MRPL35: variants seen among roughly 807,000 people sequenced by gnomAD.
MRPL35 encodes the protein mitochondrial ribosomal protein L35, also known as large ribosomal subunit protein bL35m.
In MRPL35, 18 loss-of-function variants were observed where a neutral mutation model predicts 21.6. The ratio of observed to expected loss-of-function variants is 0.83; its 90% CI spans 0.58 to 1.24. The LOEUF (loss-of-function observed/expected upper bound fraction) is 1.24, where lower values mean the gene tolerates loss of function less well. MRPL35 is among the 50% of genes most tolerant of loss of function. The probability of loss-of-function intolerance (pLI) is 0.00; values close to 1 mark genes in which losing one functional copy is unlikely to be tolerated. For synonymous variants in MRPL35, 87 were observed against 86.9 expected, an observed-to-expected ratio of 1.00 and a Z score of -0.01; for missense variants, 223 against 223.2, an observed-to-expected ratio of 1.00 and a Z score of 0.01.
In MRPL35 at chr2:86,211,607, A is replaced by G; in HGVS notation, c.*939A>G. The G allele has an allele frequency of 1.0e-6, 1 of 985,492 alleles. No homozygotes were observed. The highest frequency in any genetic ancestry group is 1.1e-4 in the East Asian group (1 of 8,820). 61.0% of individuals were successfully genotyped at this position (985,492 alleles called of 1,614,324 possible). A position where few individuals can be genotyped will look rare whatever the true frequency, so the allele number is the denominator to read the frequency against. On this transcript the variant is annotated 3_prime_UTR_variant, in exon 4 of 4. Transcript: ENST00000337109. ...AAATAGCCCTTCAGCATGCTCATTC[A>G]TGAAACAGAAGAGGCTGTACAAGTG...
In MRPL35 at chr2:86,206,313, G is replaced by A; in HGVS notation, c.233+18G>A. 1.3e-6 allele frequency: 2 copies of A among 1,570,996 alleles called. No homozygotes were observed. Among genetic ancestry groups the A allele is most frequent in the Non-Finnish European group, 1.7e-6 (2 of 1,163,096 alleles). ...CTTAATAGGTAGAGTATATTTCTTTGTGGGGTTTTTTTTGTTTTTTGTTTT... is the reference window on the plus strand; with the variant it reads ...CTTAATAGGTAGAGTATATTTCTTTATGGGGTTTTTTTTGTTTTTTGTTTT... On this transcript the variant is annotated intron_variant, in intron 2 of 3. Coordinates refer to ENST00000337109, the MANE Select transcript of MRPL35 (RefSeq NM_016622.4).
At chr2:86,210,164 T>TA (rs1272361099) in intron 3 of MRPL35, among the ~76,000 whole-genome samples, 2 of 152,256 alleles carry the variant, frequency 1.3e-5, no homozygotes, top group Non-Finnish European at 1.5e-5. Flanking sequence ...AGTTAGTGAT[T>TA]ATAATTCTGT....
chr2:86,212,705 T>C lies in MRPL35; in HGVS notation c.*2037T>C. ...CTCAGCATCCAAAGATGGACTGAAG[T>C]GGGATGGCTGACAGGCACATAACTT... On this transcript the variant is annotated 3_prime_UTR_variant, in exon 4 of 4. Coordinates refer to ENST00000337109, the MANE Select transcript of MRPL35 (RefSeq NM_016622.4). 1 of 1,213,386 alleles carries C rather than the reference T, an allele frequency of 8.2e-7. No homozygotes were observed. The highest frequency in any genetic ancestry group is 1.6e-5 in the African/African-American group (1 of 63,928). 75.2% of individuals were successfully genotyped at this position (1,213,386 alleles called of 1,614,324 possible). A position where few individuals can be genotyped will look rare whatever the true frequency, so the allele number is the denominator to read the frequency against.
chr2:86,206,246 A>C lies in MRPL35; in HGVS notation c.184A>C (p.Thr62Pro). ...TGTTTCCTCCACTCCCAGACTTACC[A>C]CATCTGAGAGAAACCTGACATGTGG... ...PVVSSTPRLTTSERNLTCGHT... is the reference protein window; with the variant it reads ...PVVSSTPRLTPSERNLTCGHT... Residue 62 changes from threonine to proline, a missense_variant, in exon 2 of 4, where the codon ACA becomes CCA. Coordinates refer to ENST00000337109, the MANE Select transcript of MRPL35 (RefSeq NM_016622.4). The C allele has an allele frequency of 6.2e-7, 1 of 1,613,696 alleles. No homozygotes were observed. The highest frequency in any genetic ancestry group is 8.5e-7 in the Non-Finnish European group (1 of 1,179,618).
In MRPL35 at chr2:86,210,878, T is replaced by C; in HGVS notation, c.*210T>C. 8.0e-7 allele frequency: 1 copy of C among 1,247,842 alleles called. No individual in the cohort carries two copies. The highest frequency in any genetic ancestry group is 1.0e-6 in the Non-Finnish European group (1 of 993,902). 77.3% of individuals were successfully genotyped at this position (1,247,842 alleles called of 1,614,324 possible). A position where few individuals can be genotyped will look rare whatever the true frequency, so the allele number is the denominator to read the frequency against. ...GAAACAGAAATTTAGAATGGTGCAT[T>C]ATTTTTAACAAATGGTATTGGCTTA... On this transcript the variant is annotated 3_prime_UTR_variant, in exon 4 of 4. Transcript: ENST00000337109.
At position 86,211,653 on chromosome 2, in the gene MRPL35, A is replaced by C; in HGVS notation, c.*985A>C. The C allele has an allele frequency of 2.0e-6, 2 of 985,410 alleles. No homozygotes were observed. The highest frequency in any genetic ancestry group is 2.4e-6 in the Non-Finnish European group (2 of 829,930). 61.0% of individuals were successfully genotyped at this position (985,410 alleles called of 1,614,324 possible). On this transcript the variant is annotated 3_prime_UTR_variant, in exon 4 of 4. Coordinates refer to ENST00000337109, the MANE Select transcript of MRPL35 (RefSeq NM_016622.4). ...AAGTGAAGACAAGGGCTTTTTATGC[A>C]AGTTTTGAAAGATAGGTATTTATTT...
Position 86,212,319 on chromosome 2 carries a change from T to C in MRPL35, c.*1651T>C, listed in dbSNP as rs2103919590. 2 of 1,593,470 alleles carry C rather than the reference T, an allele frequency of 1.3e-6. No homozygotes were observed. The highest frequency in any genetic ancestry group is 1.3e-5 in the African/African-American group (1 of 74,356). On this transcript the variant is annotated 3_prime_UTR_variant, in exon 4 of 4. Transcript: ENST00000337109. Reference sequence around the variant, plus strand: ...AGAAGTCCAAGTGCGTGTCTACTTATGGGACCAATAAATAAAGAACAGACA... The same window carrying C: ...AGAAGTCCAAGTGCGTGTCTACTTACGGGACCAATAAATAAAGAACAGACA...
rs750309781 is a variant in MRPL35 at position 86,206,180 on chromosome 2, G to A, written c.118G>A (p.Ala40Thr). ...TGTCAAGAATGCCTCTCTTATTTCT[G>A]CATTGTCCACTGGACGTTTTAGTCA... is the stretch of plus-strand genomic sequence containing the variant. ...NCVKNASLIS[A>T]LSTGRFSHIQ... The change falls in exon 2 of 4, where the codon GCA becomes ACA. Residue 40 changes from alanine (A) to threonine (T), a missense_variant. Coordinates refer to ENST00000337109, the MANE Select transcript of MRPL35 (RefSeq NM_016622.4). The A allele has an allele frequency of 4.3e-5, 69 of 1,613,670 alleles. No homozygotes were observed. The South Asian group carries it at 6.8e-4, about 16-fold the overall frequency.
In MRPL35 at chr2:86,210,535, G is replaced by A. The variant is rs1673883360; in HGVS notation, c.434G>A (p.Arg145Lys). Reference protein sequence around the residue: ...KKTPARKKRLREFVFCNKTQS... With the variant: ...KKTPARKKRLKEFVFCNKTQS... ...ACACCTGCAAGGAAGAAGCGATTGA[G>A]GGAATTTGTATTCTGCAATAAAACC... Residue 145 changes from arginine to lysine, a missense_variant, in exon 4 of 4, where the codon AGG (arginine) becomes AAG (lysine). Arg to Lys is a conservative substitution (Grantham distance 26). Transcript: ENST00000337109. The A allele has an allele frequency of 6.2e-7, 1 of 1,613,074 alleles. No individual in the cohort carries two copies. The highest frequency in any genetic ancestry group is 1.3e-5 in the African/African-American group (1 of 74,992).
intron 1 of MRPL35, among the ~76,000 whole-genome samples, chr2:86,205,487 G>T (rs185469036): frequency 8.5e-4 from 129 of 152,168 alleles, no homozygotes; most frequent in African/African-American, 2.9e-3. Context: ...AGGCATACTC[G>T]GTGTAACTTT....
At chr2:86,208,843 GA>G (rs142472435) in intron 3 of MRPL35, among the ~76,000 whole-genome samples, 29 of 148,904 alleles carry the variant, frequency 1.9e-4, no homozygotes, top group Non-Finnish European at 4.2e-4. Context: ...AATTTTCAGA[GA>G]AAAAAAAAAT....
In MRPL35 at chr2:86,211,601, T is replaced by C. The variant is rs1003172920; in HGVS notation, c.*933T>C. The C allele has an allele frequency of 5.1e-6, 5 of 985,326 alleles. No homozygotes were observed. The African/African-American group carries it at 8.7e-5, about 17-fold the overall frequency. The allele number at this position is 985,326 out of a possible 1,614,324, so 61.0% of individuals were successfully genotyped here. A position where few individuals can be genotyped will look rare whatever the true frequency, so the allele number is the denominator to read the frequency against. The stretch of plus-strand genomic sequence containing the variant: ...GAGAGTAAATAGCCCTTCAGCATGC[T>C]CATTCATGAAACAGAAGAGGCTGTA... On this transcript the variant is annotated 3_prime_UTR_variant, in exon 4 of 4. Transcript: ENST00000337109.
rs1012209452 is a variant in MRPL35 at position 86,206,303 on chromosome 2, A to G, written c.233+8A>G. 1.3e-6 allele frequency: 2 copies of G among 1,577,098 alleles called. No individual in the cohort carries two copies. Among genetic ancestry groups the G allele is most frequent in the Non-Finnish European group, 1.7e-6 (2 of 1,166,748 alleles). On this transcript the variant is annotated splice_region_variant and intron_variant, in intron 2 of 3. Transcript: ENST00000337109. ...CTCAGTGATCCTTAATAGGTAGAGT[A>G]TATTTCTTTGTGGGGTTTTTTTTGT...
intron 2 of MRPL35, 25 bp downstream of exon 2, chr2:86,206,320 T>G (rs1372195077): frequency 1.3e-6 from 2 of 1,570,520 alleles, no homozygotes; most frequent in Non-Finnish European, 8.6e-7. Flanking sequence ...TTTGTGGGGT[T>G]TTTTTTGTTT....
At chr2:86,206,475 T>G (rs956223761) in intron 2 of MRPL35, among the ~76,000 whole-genome samples, 180 bp downstream of exon 2, 1 of 152,174 alleles carries the variant, frequency 6.6e-6, no homozygotes, top group African/African-American at 2.4e-5. Context: ...TGGAAAGTTC[T>G]GGGATTACAG....
chr2:86,207,495 C>T (rs1328073324), intron 3 of MRPL35, among the ~76,000 whole-genome samples, 168 bp downstream of exon 3: 1 of 152,102 alleles, frequency 6.6e-6, no homozygotes, highest in South Asian at 2.1e-4. Context: ...AAAAATTAGG[C>T]GTGGTGGCAG....
At chr2:86,207,111 C>A in intron 2 of MRPL35, 72 bp from the exon 3 acceptor site, 1 of 1,413,478 alleles carries the variant, frequency 7.1e-7, no homozygotes, top group Non-Finnish European at 9.6e-7. Context: ...ACTCATTTCT[C>A]AGTATAGATA....
At chr2:86,209,227 C>A (rs762939452) in intron 3 of MRPL35, among the ~76,000 whole-genome samples, 23 of 152,204 alleles carry the variant, frequency 1.5e-4, no homozygotes, top group Non-Finnish European at 2.2e-4. Context: ...TCTTAAATAA[C>A]CTTTCCTTAT....
At chr2:86,202,407 A>G (rs1179892638) in intron 1 of MRPL35, among the ~76,000 whole-genome samples, 1 of 152,224 alleles carries the variant, frequency 6.6e-6, no homozygotes, top group Non-Finnish European at 1.5e-5. Context: ...AATATGTCTT[A>G]TGCAGCCTCA....
Sources: gnomAD v4.1 joint callset for allele counts (sites outside exome capture counted in the v4.1 genomes callset) on GRCh38, gnomAD v4.1.1 for gene constraint, MANE v1.5 for transcripts, NCBI Gene and HGNC (gene_info 2026-07-23, HGNC 2026-07-21) for gene names.